TERB1: variants seen among roughly 807,000 people sequenced by gnomAD.
TERB1 encodes the protein telomere repeat binding bouquet formation protein 1.
TERB1 carries 63 observed loss-of-function variants against 92.3 expected under a neutral mutation model. The observed-to-expected ratio is 0.68, with a 90% CI of 0.56 to 0.84. The LOEUF is 0.84. Among genes scored for constraint, TERB1 ranks in the 40% least tolerant of loss-of-function variants. The pLI is 0.00. For missense variants in TERB1, 709 were observed against 843.7 expected (o/e 0.84, Z 1.98); for synonymous variants, 252 against 283.9 (o/e 0.89, Z 1.13).
At position 66,754,760 on chromosome 16, in the gene TERB1, T is replaced by C. The variant is rs1409308645; in HGVS notation, c.*216A>G. 6 of 481,786 alleles carry C rather than the reference T, an allele frequency of 1.2e-5. No individual in the cohort carries two copies. The highest frequency in any genetic ancestry group is 6.0e-5 in the African/African-American group (3 of 49,846). The allele number at this position is 481,786 out of a possible 1,614,324, so 29.8% of individuals were successfully genotyped here. ...ATTCCTAAACAAATGTTTGATCTTA[T>C]GAAGGAATTTTCTTACTAATCTGTA... On this transcript the variant is annotated 3_prime_UTR_variant, in exon 19 of 19. Coordinates refer to ENST00000433154, the MANE Select transcript of TERB1 (RefSeq NM_001136505.2).
chr16:66,778,806 C>T (rs753819808), intron 10 of TERB1, 57 bp downstream of exon 10: 54 of 1,349,248 alleles, frequency 4.0e-5, no homozygotes, highest in Non-Finnish European at 5.2e-5. Flanking sequence ...CAACACTCTT[C>T]ATGCTATATT....
chr16:66,793,271 G>A (rs896934378), intron 3 of TERB1, among the ~76,000 whole-genome samples: 2 of 139,756 alleles, frequency 1.4e-5, no homozygotes, highest in African/African-American at 5.5e-5. Context: ...AGGCAGGAGC[G>A]CAGTGGTGCT....
intron 14 of TERB1, 101 bp downstream of exon 14, chr16:66,769,862 T>C: frequency 1.2e-6 from 1 of 836,702 alleles, no homozygotes; most frequent in East Asian, 2.7e-5. Context: ...TGTTTCATCA[T>C]GTCACTTCTA....
chr16:66,789,726 C>T (rs1163026924), intron 5 of TERB1, among the ~76,000 whole-genome samples: 3 of 128,430 alleles, frequency 2.3e-5, no homozygotes, highest in African/African-American at 6.0e-5. Flanking sequence ...TTTTTTGAGA[C>T]AGGGTCTTAC....
chr16:66,756,915 G>A (rs548186773), intron 18 of TERB1, among the ~76,000 whole-genome samples: 2 of 152,228 alleles, frequency 1.3e-5, no homozygotes, highest in East Asian at 3.9e-4. Flanking sequence ...TTAATTCTAA[G>A]GACTCTTTTA....
rs1029365332 is a variant in TERB1 at position 66,775,212 on chromosome 16, A to C, written c.1017T>G (p.Asn339Lys). Residue 339 changes from asparagine (N) to lysine (K), a missense_variant, in exon 12 of 19, where the codon AAT (asparagine) becomes AAG (lysine). Transcript: ENST00000433154. ...AGGCTTGAATCATGAGTGGAAGCCCATTGTTTTTAAAAAGGTCATACTGAT... is the reference window on the plus strand; with the variant it reads ...AGGCTTGAATCATGAGTGGAAGCCCCTTGTTTTTAAAAAGGTCATACTGAT... The part of the protein sequence containing the change: ...EENQYDLFKN[N>K]GLPLMIQALT... 4 of 1,551,120 alleles carry C rather than the reference A, an allele frequency of 2.6e-6. No individual in the cohort carries two copies. The highest frequency in any genetic ancestry group is 3.5e-6 in the Non-Finnish European group (4 of 1,146,592).
At chr16:66,761,128 AAAAG>A in intron 16 of TERB1, among the ~76,000 whole-genome samples, 1 of 140,878 alleles carries the variant, frequency 7.1e-6, no homozygotes, top group African/African-American at 2.5e-5. Flanking sequence ...AAAAAAAAAG[AAAAG>A]AAAAGAAAAA....
At position 66,754,784 on chromosome 16, in the gene TERB1, T is replaced by C. The variant is rs926027319; in HGVS notation, c.*192A>G. On this transcript the variant is annotated 3_prime_UTR_variant, in exon 19 of 19. Transcript: ENST00000433154. ...ATGAAGGAATTTTCTTACTAATCTG[T>C]ACACTGATGATATATTTGCTTTATA... is the stretch of plus-strand genomic sequence containing the variant. The C allele has an allele frequency of 1.7e-6, 1 of 586,076 alleles. No individual in the cohort carries two copies. The highest frequency in any genetic ancestry group is 3.0e-6 in the Non-Finnish European group (1 of 338,088). The allele number at this position is 586,076 out of a possible 1,614,324, so 36.3% of individuals were successfully genotyped here.
chr16:66,796,146 G>A (rs16956975), intron 3 of TERB1, among the ~76,000 whole-genome samples: 1,935 of 152,148 alleles, frequency 0.013, 42 homozygotes, highest in South Asian at 0.096. Context: ...GACTGCAATC[G>A]GGCTAAAATC....
At chr16:66,790,542 T>C in intron 5 of TERB1, 53 bp downstream of exon 5, 1 of 1,374,938 alleles carries the variant, frequency 7.3e-7, no homozygotes, top group Non-Finnish European at 9.8e-7. Context: ...GAGTATACTG[T>C]TAAAATATAA....
rs1959197611 is a variant in TERB1, at chr16:66,796,700, C to T, written c.31+68G>A. The T allele has an allele frequency of 2.8e-6, 3 of 1,065,072 alleles. No individual in the cohort carries two copies. The African/African-American group carries it at 4.7e-5, about 17-fold the overall frequency. 66.0% of individuals were successfully genotyped at this position (1,065,072 alleles called of 1,614,324 possible). ...GATTCTTTCATTTCCTGGATCCTGT[C>T]AGATAATCTACAGTACATCCTACCA... On this transcript the variant is annotated intron_variant, in intron 3 of 18. Transcript: ENST00000433154.
rs2018823211 is a variant in TERB1 at position 66,790,933 on chromosome 16, T to C, written c.118A>G (p.Ile40Val). Residue 40 changes from isoleucine (I) to valine (V), a missense_variant, in exon 4 of 19, where the codon ATT (isoleucine) becomes GTT (valine). By Grantham distance (29) the Ile-to-Val change is conservative. Coordinates refer to ENST00000433154, the MANE Select transcript of TERB1 (RefSeq NM_001136505.2). ...AFSQKEALVT[I>V]HSICQQNSNA... ...CTGTTTTGTTGACAAATTGAATGAATAGTGACCAAAGCTTCCTTTTGTGAA... is the reference window on the plus strand; with the variant it reads ...CTGTTTTGTTGACAAATTGAATGAACAGTGACCAAAGCTTCCTTTTGTGAA... 2.6e-6 allele frequency: 4 copies of C among 1,548,560 alleles called. No homozygotes were observed. The highest frequency in any genetic ancestry group is 1.7e-4 in the Middle Eastern group (1 of 5,978).
chr16:66,787,283 C>CTTTTTTTTTTTTT (rs58213946), intron 6 of TERB1, among the ~76,000 whole-genome samples: 2 of 137,890 alleles, frequency 1.5e-5, no homozygotes, highest in African/African-American at 2.6e-5. Flanking sequence ...TTTTCTTTTT[C>CTTTTTTTTTTTTT]TTTTTTTTTT....
intron 10 of TERB1, among the ~76,000 whole-genome samples, chr16:66,777,829 A>G (rs2018574095): frequency 6.6e-6 from 1 of 152,228 alleles, no homozygotes; most frequent in African/African-American, 2.4e-5. Flanking sequence ...AGCTATGCTG[A>G]GATGTGACAA....
chr16:66,776,252 C>T (rs2018546434), intron 11 of TERB1, among the ~76,000 whole-genome samples: 1 of 150,782 alleles, frequency 6.6e-6, no homozygotes, highest in Non-Finnish European at 1.5e-5. Context: ...TTGCTTGAAC[C>T]TGGGAGGCGG....
chr16:66,772,409 G>A (rs1033114744), intron 13 of TERB1, among the ~76,000 whole-genome samples, 180 bp downstream of exon 13: 1 of 152,210 alleles, frequency 6.6e-6, no homozygotes, highest in Non-Finnish European at 1.5e-5. Context: ...TTGAACTTGG[G>A]AGGCGGAGGT....
At chr16:66,789,479 G>A (rs1314372747) in intron 5 of TERB1, among the ~76,000 whole-genome samples, 1 of 70,568 alleles carries the variant, frequency 1.4e-5, no homozygotes, top group Non-Finnish European at 2.5e-5. Flanking sequence ...AGCTACTCGG[G>A]AGGCTGAGGC....
chr16:66,786,198 A>G, intron 7 of TERB1, 27 bp downstream of exon 7: 1 of 1,539,270 alleles, frequency 6.5e-7, no homozygotes, highest in African/African-American at 1.4e-5. Context: ...ATGAATAATT[A>G]ACAAAAAGAA....
At chr16:66,760,474 AAG>A (rs1333168030) in intron 16 of TERB1, among the ~76,000 whole-genome samples, 2 of 83,868 alleles carry the variant, frequency 2.4e-5, no homozygotes, top group African/African-American at 5.7e-5. Context: ...AAAAAAAGAA[AAG>A]AAAAGAAAAG....
Sources: gnomAD v4.1 joint callset for allele counts (sites outside exome capture counted in the v4.1 genomes callset) on GRCh38, gnomAD v4.1.1 for gene constraint, MANE v1.5 for transcripts, NCBI Gene and HGNC (gene_info 2026-07-23, HGNC 2026-07-21) for gene names.